KY: variants seen among roughly 807,000 people sequenced by gnomAD.
KY encodes kyphoscoliosis peptidase.
Under a neutral mutation model 76.1 loss-of-function variants are expected in KY, and 43 were observed. That is an observed-to-expected ratio of 0.57 (90% CI 0.44 to 0.73). The LOEUF is 0.73. Ranked by LOEUF, KY falls within the 30% of genes least tolerant of loss-of-function variation. The pLI is 0.00. For missense variants in KY, 722 were observed against 828.9 expected, an observed-to-expected ratio of 0.87 and a Z score of 1.58; for synonymous variants, 277 against 326.2, an observed-to-expected ratio of 0.85 and a Z score of 1.63.
chr3:134,649,113 T>C (rs2031387351), intron 1 of KY, among the ~76,000 whole-genome samples: 1 of 151,824 alleles, frequency 6.6e-6, no homozygotes, highest in African/African-American at 2.4e-5. Context: ...TCTGCTCTGG[T>C]TGTGAATAAG....
At chr3:134,624,329 G>A (rs1211497707) in intron 6 of KY, among the ~76,000 whole-genome samples, 4 of 152,180 alleles carry the variant, frequency 2.6e-5, no homozygotes, top group African/African-American at 7.2e-5. Flanking sequence ...CTCAACTTAT[G>A]TCTTTGCTTC....
intron 3 of KY, among the ~76,000 whole-genome samples, chr3:134,639,168 A>G (rs1965397089): frequency 6.6e-6 from 1 of 151,050 alleles, no homozygotes; most frequent in Non-Finnish European, 1.5e-5. Context: ...CTGGTTAGAT[A>G]TTCAACAGAG....
At chr3:134,647,300 G>A (rs1393400638) in intron 2 of KY, 135 bp downstream of exon 2, 6 of 692,080 alleles carry the variant, frequency 8.7e-6, no homozygotes, top group Non-Finnish European at 1.5e-5. Context: ...TAGAGGCCTG[G>A]CTGGGTCAGG....
rs550303228 is a variant in KY at position 134,613,139 on chromosome 3, G to A, written c.711-2756C>T. ...TTGCATTAAGGTGAACTGATTTAGC[G>A]GCGCTGTGGACCTCTGGACATGCTG... On this transcript the variant is annotated intron_variant, in intron 8 of 10. Coordinates refer to ENST00000423778, the MANE Select transcript of KY (RefSeq NM_178554.6). 123 of 154,468 alleles carry A rather than the reference G, an allele frequency of 8.0e-4. 3 individuals are homozygous for A. The South Asian group carries it at 0.024, about 30-fold the overall frequency. 9.6% of individuals were successfully genotyped at this position (154,468 alleles called of 1,614,324 possible).
intron 10 of KY, chr3:134,607,615 G>A (rs1959434403): frequency 1.0e-6 from 1 of 985,716 alleles, no homozygotes; most frequent in Non-Finnish European, 1.2e-6. Context: ...CAAGGCCTTG[G>A]AGAGGCATAA....
rs1253319747 is a variant in KY, at chr3:134,603,951, A to C, written c.1614T>G (p.Phe538Leu). Residue 538 changes from phenylalanine to leucine, a missense_variant, in exon 11 of 11, where the codon TTT becomes TTG. Around this residue, in one of 2 missense-constraint regions of KY, gnomAD observed 552 missense variants for 680.9 expected, o/e 0.81. Coordinates refer to ENST00000423778, the MANE Select transcript of KY (RefSeq NM_178554.6). ...PHAGKFALKI[F>L]VKKRQEPGNY... The stretch of plus-strand genomic sequence containing the variant: ...TTCCTGGTTCCTGCCTCTTCTTGAC[A>C]AAGATCTTGAGGGCAAACTTGCCTG... 1 of 1,613,988 alleles carries C rather than the reference A, an allele frequency of 6.2e-7. No homozygotes were observed. The highest frequency in any genetic ancestry group is 8.5e-7 in the Non-Finnish European group (1 of 1,179,868).
At chr3:134,641,457 G>A (rs1247949838) in intron 3 of KY, among the ~76,000 whole-genome samples, 1 of 152,140 alleles carries the variant, frequency 6.6e-6, no homozygotes, top group Non-Finnish European at 1.5e-5. Flanking sequence ...ATGTGACAAT[G>A]GAAGCAGAGT....
In KY at chr3:134,620,734, C is replaced by T; in HGVS notation, c.592+15G>A. 1 of 1,599,720 alleles carries T rather than the reference C, an allele frequency of 6.3e-7. No individual in the cohort carries two copies. Among genetic ancestry groups the T allele is most frequent in the Non-Finnish European group, 8.6e-7 (1 of 1,168,358 alleles). ...CAAGGGATTCTAGAGCCAGAAATTC[C>T]ACAGGGGGGCCTACCTATGTGATGG... On this transcript the variant is annotated intron_variant, in intron 7 of 10. Transcript: ENST00000423778.
intron 8 of KY, among the ~76,000 whole-genome samples, chr3:134,612,735 C>CA (rs1443529455): frequency 6.7e-6 from 1 of 149,002 alleles, no homozygotes; most frequent in Non-Finnish European, 1.5e-5. Context: ...CCAGTCAGCA[C>CA]AATGTCACGC....
At chr3:134,607,915 A>G (rs1959532615) in intron 10 of KY, 8 of 990,844 alleles carry the variant, frequency 8.1e-6, no homozygotes, top group Non-Finnish European at 9.6e-6. Context: ...GGGGTGCCTG[A>G]GTTTGGAGGC....
chr3:134,643,509 G>A, intron 2 of KY, 131 bp from the exon 3 acceptor site: 1 of 683,788 alleles, frequency 1.5e-6, no homozygotes, highest in East Asian at 2.7e-5. Context: ...CTAAATGTGT[G>A]CACACCCTCA....
At position 134,610,220 on chromosome 3, in the gene KY, T is replaced by C. The variant is rs761236060; in HGVS notation, c.874A>G (p.Thr292Ala). The C allele has an allele frequency of 3.7e-6, 6 of 1,613,520 alleles. No homozygotes were observed. The highest frequency in any genetic ancestry group is 2.2e-5 in the South Asian group (2 of 91,054). Residue 292 changes from threonine (T) to alanine (A), a missense_variant, in exon 9 of 11, where the codon ACC (threonine) becomes GCC (alanine). Thr to Ala is a moderately conservative substitution (Grantham distance 58). Around this residue, in one of 2 missense-constraint regions of KY, gnomAD observed 552 missense variants for 680.9 expected, o/e 0.81. Coordinates refer to ENST00000423778, the MANE Select transcript of KY (RefSeq NM_178554.6). ...DSTWGSGLVDTITSKFTFLYN... is the reference protein window; with the variant it reads ...DSTWGSGLVDAITSKFTFLYN... ...AGGAAGGTGAATTTGGAGGTGATGG[T>C]GTCCACCAGGCCGCTGCCCCAGGTG...
rs1962474946 is a variant in KY, at chr3:134,620,822, A to G, written c.519T>C (p.Ser173=). 1.2e-6 allele frequency: 2 copies of G among 1,613,026 alleles called. No individual in the cohort carries two copies. Among genetic ancestry groups the G allele is most frequent in the African/African-American group, 2.7e-5 (2 of 74,874 alleles). Residue 173 remains serine, a synonymous_variant, in exon 7 of 11, where the codon AGT becomes AGC. Coordinates refer to ENST00000423778, the MANE Select transcript of KY (RefSeq NM_178554.6). The part of the protein sequence containing the change: ...TAKSGLDELV[S]DLLQEAHTDL... ...CAGTGTGGGCCTCCTGGAGCAGGTC[A>G]CTCACCAGTTCGTCTAGGCCACTCT...
At chr3:134,647,647 G>A in intron 1 of KY, 150 bp from the exon 2 acceptor site, 3 of 581,374 alleles carry the variant, frequency 5.2e-6, no homozygotes, top group South Asian at 2.3e-5. Context: ...TGCCCTTGAG[G>A]GAATGAATGC....
At position 134,603,596 on chromosome 3, in the gene KY, T is replaced by C. The variant is rs745530304; in HGVS notation, c.1969A>G (p.Lys657Glu). 1.5e-5 allele frequency: 24 copies of C among 1,584,718 alleles called. No homozygotes were observed. Among genetic ancestry groups the C allele is most frequent in the Non-Finnish European group, 2.0e-5 (23 of 1,161,192 alleles). ...HNFYSYILKY[K>E]VNAQ ...CACAGCCCTCACTGGGCATTCACTTTGTATTTCAGGATGTAGGAGTAGAAA... is the reference window on the plus strand; with the variant it reads ...CACAGCCCTCACTGGGCATTCACTTCGTATTTCAGGATGTAGGAGTAGAAA... Residue 657 changes from lysine to glutamate, a missense_variant, in exon 11 of 11, where the codon AAA becomes GAA. By Grantham distance (56) the Lys-to-Glu change is moderately conservative. This residue lies in a region of KY where 552 missense variants were observed against 680.9 expected (regional missense o/e 0.81). Transcript: ENST00000423778.
At chr3:134,631,216 C>G (rs1306363096) in intron 3 of KY, among the ~76,000 whole-genome samples, 1 of 152,100 alleles carries the variant, frequency 6.6e-6, no homozygotes, top group Non-Finnish European at 1.5e-5. Flanking sequence ...GACATAAAAC[C>G]TTACTGATTC....
intron 10 of KY, chr3:134,607,350 G>A (rs1049234784): frequency 1.0e-6 from 1 of 985,538 alleles, no homozygotes; most frequent in African/African-American, 1.7e-5. Context: ...CTAACTTGGG[G>A]ACACCTGTGC....
chr3:134,612,134 T>C (rs7623567), intron 8 of KY, among the ~76,000 whole-genome samples: 95,423 of 152,030 alleles, frequency 0.63, 30,414 homozygotes, highest in East Asian at 0.87. Context: ...GGAAGTTTTC[T>C]AGCCCCCGCC....
chr3:134,617,371 T>C (rs1659782358), intron 8 of KY, among the ~76,000 whole-genome samples: 1 of 152,200 alleles, frequency 6.6e-6, no homozygotes, highest in Non-Finnish European at 1.5e-5. Flanking sequence ...ATCCTGTCAT[T>C]TCTATATATG....
Sources: allele counts gnomAD v4.1 joint callset (sites outside exome capture counted in the v4.1 genomes callset), GRCh38; gene constraint gnomAD v4.1.1; regional missense constraint gnomAD v4.1.1; transcripts MANE v1.5; gene names NCBI Gene and HGNC (gene_info 2026-07-23, HGNC 2026-07-21).